The following PLPPR1 variants were observed in gnomAD, a reference collection of about 807,000 sequenced individuals.
PLPPR1 encodes phospholipid phosphatase related 1, also known as phospholipid phosphatase-related protein type 1.
Under a neutral mutation model 33.1 loss-of-function variants are expected in PLPPR1, and 10 were observed. That is an observed-to-expected ratio of 0.30 (90% confidence interval 0.19 to 0.51). The LOEUF is 0.51. Among genes scored for constraint, PLPPR1 ranks in the 20% least tolerant of loss-of-function variants. The pLI is 0.97. For synonymous variants in PLPPR1, 151 were observed against 151.0 expected (o/e 1.00, Z 0.00); for missense variants, 304 against 408.1 (o/e 0.74, Z 2.20).
At chr9:101,182,369 A>T (rs944954989) in intron 1 of PLPPR1, among the ~76,000 whole-genome samples, 1 of 151,798 alleles carries the variant, frequency 6.6e-6, no homozygotes, top group Non-Finnish European at 1.5e-5. Context: ...CAAAATTCCT[A>T]TAAAATTAGA....
chr9:101,079,722 G>A (rs1485366481), intron 1 of PLPPR1, among the ~76,000 whole-genome samples: 1 of 152,080 alleles, frequency 6.6e-6, no homozygotes, highest in East Asian at 1.9e-4. Context: ...TGGGATTACA[G>A]GTGTGCGCCA....
chr9:101,309,519 C>A (rs1346890763), intron 5 of PLPPR1, 58 bp downstream of exon 5: 1 of 1,556,688 alleles, frequency 6.4e-7, no homozygotes, highest in East Asian at 2.3e-5. Context: ...GTGTGTCTCC[C>A]TGCCCTGTCT....
At chr9:101,204,628 CCCACT>C (rs1826555387) in intron 2 of PLPPR1, among the ~76,000 whole-genome samples, 2 of 152,222 alleles carry the variant, frequency 1.3e-5, no homozygotes, top group South Asian at 4.2e-4. Flanking sequence ...GGAGACCAAC[CCCACT>C]CCAAACTGGG....
intron 1 of PLPPR1, 147 bp downstream of exon 1, chr9:101,029,249 TG>T: frequency 6.5e-6 from 1 of 153,342 alleles, no homozygotes; most frequent in Non-Finnish European, 1.5e-5. Context: ...AAGGCGGCGC[TG>T]GGGCTGTGCA....
chr9:101,293,776 C>G (rs1828564863), intron 4 of PLPPR1, among the ~76,000 whole-genome samples: 2 of 151,840 alleles, frequency 1.3e-5, no homozygotes, highest in Admixed American at 1.3e-4. Context: ...ACACAACATA[C>G]CAGAATCTCT....
chr9:101,118,490 ACTCT>A (rs1169797709), intron 1 of PLPPR1, among the ~76,000 whole-genome samples: 8 of 150,664 alleles, frequency 5.3e-5, no homozygotes, highest in Admixed American at 4.6e-4. Flanking sequence ...GATATCTGGA[ACTCT>A]CTCTCTCTCT....
At chr9:101,248,192 T>A (rs1033941523) in intron 2 of PLPPR1, among the ~76,000 whole-genome samples, 3 of 152,008 alleles carry the variant, frequency 2.0e-5, no homozygotes, top group Non-Finnish European at 2.9e-5. Context: ...TTTCACACAC[T>A]GAGTTCCCTA....
At chr9:101,065,711 TAATCA>T (rs1286409740) in intron 1 of PLPPR1, among the ~76,000 whole-genome samples, 1 of 152,070 alleles carries the variant, frequency 6.6e-6, no homozygotes, top group African/African-American at 2.4e-5. Context: ...AGGAAATCCT[TAATCA>T]AATGTGTAAC....
In PLPPR1 at chr9:101,317,444, C is replaced by T. The variant is rs752215412; in HGVS notation, c.893C>T (p.Pro298Leu). The T allele has an allele frequency of 1.2e-6, 2 of 1,614,002 alleles. No individual in the cohort carries two copies. The highest frequency in any genetic ancestry group is 1.6e-4 in the Middle Eastern group (1 of 6,062). The change falls in exon 7 of 8, where the codon CCC becomes CTC. Residue 298 changes from proline to leucine, a missense_variant. By Grantham distance (98) the Pro-to-Leu change is moderately conservative. Coordinates refer to ENST00000374874, the MANE Select transcript of PLPPR1 (RefSeq NM_207299.2). ...AAGCCTGAGGATCCCCGTGGAGTACCCCTAATGGCTTTCCCAAGGATAGAA... is the reference window on the plus strand; with the variant it reads ...AAGCCTGAGGATCCCCGTGGAGTACTCCTAATGGCTTTCCCAAGGATAGAA... ...KPKPEDPRGV[P>L]LMAFPRIESP...
chr9:101,267,745 T>A (rs1307520474), intron 2 of PLPPR1, among the ~76,000 whole-genome samples: 1 of 152,208 alleles, frequency 6.6e-6, no homozygotes, highest in Non-Finnish European at 1.5e-5. Flanking sequence ...CATGCCTGTA[T>A]AATCCTAGCA....
chr9:101,096,523 C>A (rs1830820122), intron 1 of PLPPR1, among the ~76,000 whole-genome samples: 1 of 152,148 alleles, frequency 6.6e-6, no homozygotes, highest in South Asian at 2.1e-4. Context: ...TGTGTATCAT[C>A]TGCAAAAGGG....
chr9:101,291,843 A>G (rs984396942), intron 4 of PLPPR1, among the ~76,000 whole-genome samples: 5 of 152,200 alleles, frequency 3.3e-5, no homozygotes, highest in African/African-American at 1.2e-4. Context: ...GATGGGGAAA[A>G]AACAGAACAG....
intron 1 of PLPPR1, among the ~76,000 whole-genome samples, chr9:101,088,769 AT>A (rs1301650074): frequency 6.6e-6 from 1 of 152,220 alleles, no homozygotes; most frequent in Non-Finnish European, 1.5e-5. Flanking sequence ...ATGGTTGGCA[AT>A]GATATTTCAG....
intron 1 of PLPPR1, among the ~76,000 whole-genome samples, chr9:101,072,555 G>A (rs1011513908): frequency 7.2e-5 from 11 of 152,130 alleles, no homozygotes; most frequent in Admixed American, 1.3e-4. Context: ...TAATGAAGTT[G>A]AGAGAGAAAG....
chr9:101,176,768 A>T (rs1263620400), intron 1 of PLPPR1, among the ~76,000 whole-genome samples: 1 of 152,214 alleles, frequency 6.6e-6, no homozygotes, highest in East Asian at 1.9e-4. Flanking sequence ...ACAGCACAAG[A>T]TCAAAAGAAA....
chr9:101,151,185 G>T (rs1269825622), intron 1 of PLPPR1, among the ~76,000 whole-genome samples: 2 of 152,106 alleles, frequency 1.3e-5, no homozygotes, highest in Non-Finnish European at 2.9e-5. Context: ...CTATAAACTA[G>T]ATAACACCAA....
intron 1 of PLPPR1, among the ~76,000 whole-genome samples, chr9:101,167,096 TG>T (rs1242888869): frequency 7.5e-6 from 1 of 133,848 alleles, no homozygotes; most frequent in Non-Finnish European, 1.6e-5. Context: ...CAGATAGATT[TG>T]GTATTTCAAC....
At chr9:101,290,358 A>G (rs2118922011) in intron 4 of PLPPR1, among the ~76,000 whole-genome samples, 1 of 152,306 alleles carries the variant, frequency 6.6e-6, no homozygotes, top group South Asian at 2.1e-4. Flanking sequence ...TAATTATTCC[A>G]CAATCTACTA....
intron 1 of PLPPR1, among the ~76,000 whole-genome samples, chr9:101,048,732 C>T (rs1830182322): frequency 1.3e-5 from 2 of 152,118 alleles, no homozygotes; most frequent in Non-Finnish European, 2.9e-5. Context: ...CTTCAATAGC[C>T]ACAAATCCTC....
Sources: gnomAD v4.1 joint callset for allele counts (sites outside exome capture counted in the v4.1 genomes callset) on GRCh38, gnomAD v4.1.1 for gene constraint, MANE v1.5 for transcripts, NCBI Gene and HGNC (gene_info 2026-07-23, HGNC 2026-07-21) for gene names.